Variants in FHAD1 observed in about 807,000 individuals in gnomAD.
FHAD1 encodes forkhead-associated domain-containing protein 1.
Under a neutral mutation model 191.3 loss-of-function variants are expected in FHAD1, and 146 were observed. That is an observed-to-expected ratio of 0.76 (90% CI 0.67 to 0.88). FHAD1 has a LOEUF of 0.88. Ranked by LOEUF, FHAD1 falls within the 40% of genes least tolerant of loss-of-function variation. The pLI is 0.00. For missense variants in FHAD1, 1,635 were observed against 1,785.8 expected (o/e 0.92, Z 1.52); for synonymous variants, 616 against 672.3 (o/e 0.92, Z 1.29).
At chr1:15,266,190 GC>G (rs1473430910) in intron 2 of FHAD1, among the ~76,000 whole-genome samples, 1 of 151,934 alleles carries the variant, frequency 6.6e-6, no homozygotes, top group East Asian at 1.9e-4. Flanking sequence ...ACTCACTGCA[GC>G]CCCAACTTCC....
rs1455982300 is a variant in FHAD1, at chr1:15,367,415, G to T, written c.3155-48G>T. 4 of 1,533,646 alleles carry T rather than the reference G, an allele frequency of 2.6e-6. No homozygotes were observed. The Admixed American group carries it at 8.1e-5, about 31-fold the overall frequency. On this transcript the variant is annotated intron_variant, in intron 24 of 33. Coordinates refer to ENST00000688493, the MANE Select transcript of FHAD1 (RefSeq NM_001391957.1). ...AGAGGCTGAGGCAGGAGAATCACTT[G>T]AACCCGGGAGGCAGAGACCCCCTTA...
At chr1:15,319,557 C>A (rs1003838717) in intron 10 of FHAD1, among the ~76,000 whole-genome samples, 1 of 152,116 alleles carries the variant, frequency 6.6e-6, no homozygotes, top group African/African-American at 2.4e-5. Context: ...ACCAGGAGTT[C>A]AGGACCAGCC....
rs7528747 is a variant in FHAD1, at chr1:15,342,135, G to A, written c.2130+247G>A. Among the ~76,000 whole-genome samples, 38,160 of 152,164 alleles carry A rather than the reference G, an allele frequency of 0.25. 5,645 individuals carry two copies. The highest frequency in any genetic ancestry group is 0.33 in the South Asian group (1,580 of 4,824). On this transcript the variant is annotated intron_variant, in intron 16 of 33. Transcript: ENST00000688493. ...AATTTCAGGAAACGGTGCCTTGTTTGTGTATGTATTGCAGTCGGCTTTATG... is the reference window on the plus strand; with the variant it reads ...AATTTCAGGAAACGGTGCCTTGTTTATGTATGTATTGCAGTCGGCTTTATG...
chr1:15,393,921 C>G (rs188831929), intron 33 of FHAD1, among the ~76,000 whole-genome samples: 1 of 152,066 alleles, frequency 6.6e-6, no homozygotes, highest in African/African-American at 2.4e-5. Flanking sequence ...TCCTGAGGAC[C>G]GTATATTTAA....
At position 15,379,608 on chromosome 1, in the gene FHAD1, C is replaced by T. The variant is rs188375822; in HGVS notation, c.3706-1093C>T. 5.2e-3 allele frequency among the ~76,000 whole-genome samples: 798 copies of T among 152,302 alleles called. 5 individuals carry two copies. The highest frequency in any genetic ancestry group is 7.7e-3 in the Non-Finnish European group (526 of 68,028). On this transcript the variant is annotated intron_variant, in intron 28 of 33. Coordinates refer to ENST00000688493, the MANE Select transcript of FHAD1 (RefSeq NM_001391957.1). ...GGACGGTCAGGTCTTTCCCTTCCCA[C>T]GAGGCCATATTTCAGACTTTCACAT...
Position 15,289,318 on chromosome 1 carries a change from A to G in FHAD1, c.301-81A>G. The G allele has an allele frequency of 2.0e-6, 3 of 1,488,926 alleles. No individual in the cohort carries two copies. Among genetic ancestry groups the G allele is most frequent in the Non-Finnish European group, 2.7e-6 (3 of 1,112,078 alleles). The allele number at this position is 1,488,926 out of a possible 1,614,324, so 92.2% of individuals were successfully genotyped here. ...TGACTCATAAACCAAGACCTTGGGC[A>G]GCAATGCTGTGGCTGGGACAAAGAA... On this transcript the variant is annotated intron_variant, in intron 3 of 33. Coordinates refer to ENST00000688493, the MANE Select transcript of FHAD1 (RefSeq NM_001391957.1). The surrounding 1 kb of genome is among the most constrained non-coding windows in gnomAD (Gnocchi z 4.2).
In FHAD1 at chr1:15,369,866, G is replaced by T. The variant is rs115558424; in HGVS notation, c.3447+364G>T. On this transcript the variant is annotated intron_variant, in intron 26 of 33. Transcript: ENST00000688493. Reference sequence around the variant, plus strand: ...GGAGGTCACTGTACACCAGTTCCCTGTTCTGACAGTAATGACCACCCCCAC... The same window carrying T: ...GGAGGTCACTGTACACCAGTTCCCTTTTCTGACAGTAATGACCACCCCCAC... Among the ~76,000 whole-genome samples the T allele has an allele frequency of 3.0e-3, 458 of 152,296 alleles. 2 individuals are homozygous for T. Among genetic ancestry groups the T allele is most frequent in the African/African-American group, 9.6e-3 (397 of 41,556 alleles).
At chr1:15,326,584 A>G (rs942746052) in intron 11 of FHAD1, 2 of 153,118 alleles carry the variant, frequency 1.3e-5, no homozygotes, top group African/African-American at 4.8e-5. Flanking sequence ...CAGAGTGGAC[A>G]TAGTCTTCAG....
intron 15 of FHAD1, among the ~76,000 whole-genome samples, chr1:15,341,390 T>C (rs1049390331): frequency 5.3e-5 from 8 of 152,220 alleles, no homozygotes; most frequent in Non-Finnish European, 1.2e-4. Context: ...CTGCTTTTTT[T>C]CCTCACACCC....
rs561191130 is a variant in FHAD1, at chr1:15,247,263, C to T, written c.-147C>T. On this transcript the variant is annotated 5_prime_UTR_variant, in exon 1 of 34. Transcript: ENST00000688493. ...CGCGTACACAGGCCGGCCGGGCGGG[C>T]GGGGTGCCGGGTGCGAGCTGGAGAC... The T allele has an allele frequency of 2.5e-3, 451 of 180,818 alleles. 2 individuals carry two copies. Among genetic ancestry groups the T allele is most frequent in the African/African-American group, 9.9e-3 (412 of 41,650 alleles). 11.2% of individuals were successfully genotyped at this position (180,818 alleles called of 1,614,324 possible).
At chr1:15,392,095 A>T (rs1704209356) in intron 33 of FHAD1, among the ~76,000 whole-genome samples, 1 of 152,200 alleles carries the variant, frequency 6.6e-6, no homozygotes, top group South Asian at 2.1e-4. Context: ...GGCTTAACAG[A>T]ATGGGGGCAG....
At chr1:15,389,476 G>GAAAAAAAAAAAAAAAAAAAAAAAAAAAAA (rs1703320501) in intron 32 of FHAD1, among the ~76,000 whole-genome samples, 1 of 107,436 alleles carries the variant, frequency 9.3e-6, no homozygotes, top group Non-Finnish European at 1.9e-5. Flanking sequence ...AAACCTGCTG[G>GAAAAAAAAAAAAAAAAAAAAAAAAAAAAA]AAGAGAAAGG....
In FHAD1 at chr1:15,396,306, A is replaced by C. The variant is rs137939076; in HGVS notation, c.4324-991A>C. Among the ~76,000 whole-genome samples, 276 of 152,054 alleles carry C rather than the reference A, an allele frequency of 1.8e-3. 1 individual carries two copies. The highest frequency in any genetic ancestry group is 6.5e-3 in the African/African-American group (269 of 41,444). On this transcript the variant is annotated intron_variant, in intron 33 of 33. Transcript: ENST00000688493. ...CACAGCACTCCAGCCTGGGCAACAG[A>C]GTGAGACCCCATATCAAGAAAAAAA...
rs549212254 is a variant in FHAD1 at position 15,374,518 on chromosome 1, A to G, written c.3464A>G (p.Asp1155Gly). The G allele has an allele frequency of 2.6e-5, 41 of 1,551,850 alleles. No homozygotes were observed. In the African/African-American group the frequency reaches 4.2e-4, roughly 16 times the overall value. ...TGCCCACAGCAGCAATCCTTCAGCG[A>G]TCTAGGGGTCAGGTGCAAAGGGTCC... is the stretch of plus-strand genomic sequence containing the variant. ...SSSQEQQSFS[D>G]LGVRCKGSRH... The change falls in exon 27 of 34, where the codon GAT becomes GGT. Residue 1155 changes from aspartate (D) to glycine (G), a missense_variant. Coordinates refer to ENST00000688493, the MANE Select transcript of FHAD1 (RefSeq NM_001391957.1).
chr1:15,317,425 A>G (rs183741351), intron 9 of FHAD1, among the ~76,000 whole-genome samples: 9 of 152,282 alleles, frequency 5.9e-5, no homozygotes, highest in Admixed American at 1.3e-4. Context: ...TCAAACAAAA[A>G]AGAAAAAACA....
chr1:15,391,830 G>A (rs886111912), intron 33 of FHAD1, among the ~76,000 whole-genome samples: 21 of 152,216 alleles, frequency 1.4e-4, no homozygotes, highest in Non-Finnish European at 4.4e-5. Context: ...TGCTCTGGGT[G>A]TTAGGAGGGT....
intron 26 of FHAD1, 81 bp downstream of exon 26, chr1:15,369,583 C>T (rs2102814542): frequency 6.9e-7 from 1 of 1,456,388 alleles, no homozygotes; most frequent in Non-Finnish European, 9.3e-7. Context: ...TTTGAAGACA[C>T]TTTCATTCTA....
intron 14 of FHAD1, among the ~76,000 whole-genome samples, chr1:15,334,958 A>C (rs1318564897): frequency 6.6e-6 from 1 of 152,132 alleles, no homozygotes; most frequent in African/African-American, 2.4e-5. Context: ...AACTCAGTCC[A>C]CGCCCCTCCA....
intron 12 of FHAD1, 44 bp from the exon 13 acceptor site, chr1:15,328,233 T>G: frequency 7.8e-6 from 11 of 1,416,688 alleles, no homozygotes; most frequent in Non-Finnish European, 9.4e-6. Flanking sequence ...CACCCCTGTA[T>G]GTTACATCTT....
Sources: gnomAD v4.1 joint callset for allele counts (sites outside exome capture counted in the v4.1 genomes callset) on GRCh38, gnomAD v4.1.1 for gene constraint, Gnocchi (gnomAD v3.1) non-coding constraint, MANE v1.5 for transcripts, NCBI Gene and HGNC (gene_info 2026-07-23, HGNC 2026-07-21) for gene names.